RXRA: variants seen among roughly 807,000 people sequenced by gnomAD.
The protein encoded by RXRA is retinoid X receptor alpha, also known as retinoic acid receptor RXR-alpha.
A neutral mutation model predicts 44.5 loss-of-function variants in RXRA; 5 were observed. That is an observed-to-expected ratio of 0.11 (90% CI 0.06 to 0.24). The LOEUF (loss-of-function observed/expected upper bound fraction) is 0.24, where lower values mean the gene tolerates loss of function less well. Among genes scored for constraint, RXRA ranks in the 10% least tolerant of loss-of-function variants. RXRA has a pLI of 1.00. For missense variants in RXRA, 412 were observed against 646.5 expected (o/e 0.64, Z 3.93); for synonymous variants, 291 against 271.4 (o/e 1.07, Z -0.71).
chr9:134,360,571 G>A (rs1260553893), intron 1 of RXRA, among the ~76,000 whole-genome samples: 2 of 152,272 alleles, frequency 1.3e-5, no homozygotes, highest in Non-Finnish European at 2.9e-5. Context: ...TTGTGTGCAG[G>A]TCGCTCGCGG....
intron 6 of RXRA, chr9:134,422,928 C>T: frequency 1.0e-6 from 1 of 985,496 alleles, no homozygotes; most frequent in Non-Finnish European, 1.2e-6. Flanking sequence ...GGCCGCAGCT[C>T]TCTTTCCATG....
rs1205311395 is a variant in RXRA, at chr9:134,432,009, T to C, written c.1135+13T>C. On this transcript the variant is annotated intron_variant, in intron 8 of 9. Coordinates refer to ENST00000481739, the MANE Select transcript of RXRA (RefSeq NM_002957.6). ...CTCTTTAACCCTGGTATGGCCTTCC[T>C]GCCTTGAGGCTTCTGGCCCCGTTCT... is the stretch of plus-strand genomic sequence containing the variant. 6.2e-7 allele frequency: 1 copy of C among 1,606,480 alleles called. No individual in the cohort carries two copies. The highest frequency in any genetic ancestry group is 1.7e-5 in the Admixed American group (1 of 59,926).
At position 134,338,659 on chromosome 9, in the gene RXRA, C is replaced by T. The variant is rs112048342; in HGVS notation, c.28+12000C>T. Among the ~76,000 whole-genome samples, 471 of 152,348 alleles carry T rather than the reference C, an allele frequency of 3.1e-3. 3 individuals carry two copies. Among genetic ancestry groups the T allele is most frequent in the Non-Finnish European group, 5.1e-3 (344 of 68,014 alleles). On this transcript the variant is annotated intron_variant, in intron 1 of 9. Transcript: ENST00000481739. ...GGGAGGGGCTGGCTGCCGGATCCCA[C>T]GCAGCCTGGACGTGGCTGATAAGCT...
rs1831068071 is a variant in RXRA at position 134,407,335 on chromosome 9, C to T, written c.280-814C>T. ...TTGCAGAAGTGGAGGCTGGGGGCTG[C>T]CTGGCCAAGCGCTTACCGCCCTGCG... On this transcript the variant is annotated intron_variant, in intron 2 of 9. Transcript: ENST00000481739. The surrounding 1 kb of genome is among the most constrained non-coding windows in gnomAD (Gnocchi z 4.8). Among the ~76,000 whole-genome samples, 1 of 152,214 alleles carries T rather than the reference C, an allele frequency of 6.6e-6. No homozygotes were observed. Among genetic ancestry groups the T allele is most frequent in the South Asian group, 2.1e-4 (1 of 4,828 alleles).
In RXRA at chr9:134,392,141, G is replaced by A. The variant is rs931855286; in HGVS notation, c.29-9491G>A. Among the ~76,000 whole-genome samples the A allele has an allele frequency of 3.9e-5, 6 of 152,316 alleles. No homozygotes were observed. In the East Asian group the frequency reaches 9.6e-4, roughly 24 times the overall value. On this transcript the variant is annotated intron_variant, in intron 1 of 9. Coordinates refer to ENST00000481739, the MANE Select transcript of RXRA (RefSeq NM_002957.6). ...TTTTGCAGAGGGGGAGGGTGGGAAG[G>A]ACGTCACATGCAGGCGATTGGGGCT...
chr9:134,330,920 G>A (rs544977562), intron 1 of RXRA, among the ~76,000 whole-genome samples: 4 of 152,204 alleles, frequency 2.6e-5, no homozygotes, highest in Non-Finnish European at 4.4e-5. Context: ...TTTGTGGGGC[G>A]TTTCCCCTAT....
chr9:134,346,896 C>T (rs1209525495), intron 1 of RXRA, among the ~76,000 whole-genome samples: 3 of 152,200 alleles, frequency 2.0e-5, no homozygotes, highest in African/African-American at 7.2e-5. Flanking sequence ...CAGCGCTTCA[C>T]TGCTCCCATC....
At chr9:134,363,455 G>A (rs1043529525) in intron 1 of RXRA, among the ~76,000 whole-genome samples, 1 of 152,250 alleles carries the variant, frequency 6.6e-6, no homozygotes, top group Non-Finnish European at 1.5e-5. Context: ...GCCCTCATGG[G>A]CCTGGTGTGG....
chr9:134,375,837 T>G (rs1830548768), intron 1 of RXRA, among the ~76,000 whole-genome samples: 1 of 151,602 alleles, frequency 6.6e-6, no homozygotes, highest in South Asian at 2.1e-4. Context: ...TGGGGGATGC[T>G]GAGATTCTGT....
At chr9:134,370,303 C>T (rs772642002) in intron 1 of RXRA, among the ~76,000 whole-genome samples, 3 of 152,202 alleles carry the variant, frequency 2.0e-5, no homozygotes, top group Non-Finnish European at 2.9e-5. Context: ...GGCAGGGCTG[C>T]GCTGAGCTTG....
At chr9:134,429,264 G>C in intron 7 of RXRA, 24 bp downstream of exon 7, 1 of 1,604,660 alleles carries the variant, frequency 6.2e-7, no homozygotes, top group Non-Finnish European at 8.5e-7. Context: ...CGGGAGGGGC[G>C]AGGGCGCTTC....
intron 6 of RXRA, 95 bp downstream of exon 6, chr9:134,421,900 ACACTCCCCT>A: frequency 6.5e-7 from 1 of 1,540,774 alleles, no homozygotes; most frequent in East Asian, 2.4e-5. Context: ...CACTCCCGGG[ACACTCCCCT>A]GTCCTGGGAC....
chr9:134,395,225 C>T (rs145586098), intron 1 of RXRA, among the ~76,000 whole-genome samples: 11 of 152,364 alleles, frequency 7.2e-5, no homozygotes, highest in East Asian at 3.9e-4. Flanking sequence ...AGGACTGTGG[C>T]GTTGTGTCTG....
intron 1 of RXRA, among the ~76,000 whole-genome samples, chr9:134,375,550 G>T (rs1830545422): frequency 6.6e-6 from 1 of 152,228 alleles, no homozygotes; most frequent in South Asian, 2.1e-4. Flanking sequence ...GAGACTGTGT[G>T]TGGATGATCG....
At chr9:134,337,025 G>A (rs1830017582) in intron 1 of RXRA, among the ~76,000 whole-genome samples, 1 of 152,144 alleles carries the variant, frequency 6.6e-6, no homozygotes, top group Non-Finnish European at 1.5e-5. Flanking sequence ...TGAGGCTGAG[G>A]CTTAAGGCTG....
chr9:134,341,877 AGCGTCACT>A (rs1554748141), intron 1 of RXRA, among the ~76,000 whole-genome samples: 1 of 151,926 alleles, frequency 6.6e-6, no homozygotes, highest in African/African-American at 2.4e-5. Context: ...CGTGACTGGC[AGCGTCACT>A]GCCTGGGGCC....
chr9:134,426,274 C>T lies in RXRA; in HGVS notation c.911-2834C>T. 1 of 985,444 alleles carries T rather than the reference C, an allele frequency of 1.0e-6. No individual in the cohort carries two copies. Among genetic ancestry groups the T allele is most frequent in the East Asian group, 1.1e-4 (1 of 8,810 alleles). 61.0% of individuals were successfully genotyped at this position (985,444 alleles called of 1,614,324 possible). ...AAGCTGTGTCCGTGCCGGGCCCCCA[C>T]ATCACAGGGCCAGGAGCCCTCCTTC... is the stretch of plus-strand genomic sequence containing the variant. On this transcript the variant is annotated intron_variant, in intron 6 of 9. Transcript: ENST00000481739. This position sits in a 1 kb window ranked among gnomAD's most constrained non-coding sequence, Gnocchi z 4.6.
chr9:134,412,257 C>T (rs1831161427), intron 4 of RXRA, among the ~76,000 whole-genome samples: 1 of 152,222 alleles, frequency 6.6e-6, no homozygotes, highest in Admixed American at 6.5e-5. Context: ...GGACTGAGCC[C>T]TCCTAAGTGT....
intron 6 of RXRA, chr9:134,427,072 C>A: frequency 1.3e-5 from 13 of 981,236 alleles, no homozygotes; most frequent in Non-Finnish European, 1.3e-5. Flanking sequence ...CCCTTCCCCT[C>A]CCTGGGCCAC....
Sources: gnomAD v4.1 joint callset for allele counts (sites outside exome capture counted in the v4.1 genomes callset) on GRCh38, gnomAD v4.1.1 for gene constraint, Gnocchi (gnomAD v3.1) non-coding constraint, MANE v1.5 for transcripts, NCBI Gene and HGNC (gene_info 2026-07-23, HGNC 2026-07-21) for gene names.